Variants in SYT14 observed in about 807,000 individuals in gnomAD.
SYT14 encodes synaptotagmin-14.
SYT14 carries 32 observed loss-of-function variants against 74.2 expected under a neutral mutation model. That is an observed-to-expected ratio of 0.43 (90% confidence interval 0.33 to 0.58). The LOEUF is 0.58. Ranked by LOEUF, SYT14 falls within the 20% of genes least tolerant of loss-of-function variation. SYT14 has a pLI of 0.05. For synonymous variants in SYT14, 298 were observed against 337.7 expected (o/e 0.88, Z 1.29); for missense variants, 791 against 981.8 (o/e 0.81, Z 2.60).
intron 2 of SYT14, among the ~76,000 whole-genome samples, chr1:209,991,175 G>A (rs1361746409): frequency 2.0e-5 from 3 of 152,134 alleles, no homozygotes; most frequent in Non-Finnish European, 4.4e-5. Flanking sequence ...GCTGCAAAAA[G>A]TGTAGAAGAA....
chr1:210,044,357 A>C, intron 5 of SYT14, among the ~76,000 whole-genome samples: 1 of 152,190 alleles, frequency 6.6e-6, no homozygotes, highest in East Asian at 1.9e-4. Context: ...GTGTTTTACT[A>C]CCCGGAACTC....
intron 2 of SYT14, among the ~76,000 whole-genome samples, chr1:209,978,321 A>G (rs886263798): frequency 6.6e-6 from 1 of 151,570 alleles, no homozygotes; most frequent in Non-Finnish European, 1.5e-5. Context: ...CTGTTTTTTC[A>G]CCATCTTTGT....
chr1:210,049,251 G>A lies in SYT14; in HGVS notation c.1312+27997G>A, dbSNP rs567111019. ...AGTAGGGACTCTGTGTGGGTGCTTC[G>A]ACCCCACATTTTCCTTCTGCCCTGC... is the stretch of plus-strand genomic sequence containing the variant. On this transcript the variant is annotated intron_variant, in intron 5 of 9. Coordinates refer to ENST00000637265, the Ensembl canonical transcript of SYT14. Among the ~76,000 whole-genome samples the A allele has an allele frequency of 7.2e-4, 109 of 152,194 alleles. 1 individual carries two copies. Among genetic ancestry groups the A allele is most frequent in the African/African-American group, 2.5e-3 (104 of 41,520 alleles).
chr1:210,102,195 A>G (rs1003449125), intron 7 of SYT14, among the ~76,000 whole-genome samples: 3 of 152,106 alleles, frequency 2.0e-5, no homozygotes, highest in Admixed American at 1.3e-4. Context: ...TTATTTCATC[A>G]CCCAGGTATA....
At chr1:209,962,425 G>T (rs557385097) in intron 2 of SYT14, among the ~76,000 whole-genome samples, 1 of 151,806 alleles carries the variant, frequency 6.6e-6, no homozygotes, top group Admixed American at 6.6e-5. Context: ...CAATTAGGTT[G>T]TGAATTTATA....
At chr1:210,001,975 G>A (rs1413107238) in intron 2 of SYT14, among the ~76,000 whole-genome samples, 1 of 152,190 alleles carries the variant, frequency 6.6e-6, no homozygotes, top group Non-Finnish European at 1.5e-5. Context: ...CCAGAGGACA[G>A]TCAGTTCTGA....
chr1:209,990,541 A>ATATATATATACG (rs1194652861), intron 2 of SYT14, among the ~76,000 whole-genome samples: 6 of 9,240 alleles, frequency 6.5e-4, no homozygotes, highest in African/African-American at 2.9e-3. Flanking sequence ...ATATATACGT[A>ATATATATATACG]TATATATGTA....
At chr1:210,168,979 C>G (rs1371993370) in exon 10 of SYT14, 3 of 152,160 alleles carry the variant, frequency 2.0e-5, no homozygotes, top group Non-Finnish European at 4.4e-5. Context: ...TAGAAGCCAG[C>G]TTCTTGGAAG....
chr1:210,065,605 A>C (rs2081281593), intron 5 of SYT14, among the ~76,000 whole-genome samples: 2 of 152,002 alleles, frequency 1.3e-5, no homozygotes, highest in Admixed American at 1.3e-4. Flanking sequence ...TTGTCTTTTA[A>C]AAAATAATTT....
rs539832423 is a variant in SYT14 at position 210,135,622 on chromosome 1, C to T, written c.2035-20099C>T. On this transcript the variant is annotated intron_variant, in intron 7 of 9. Coordinates refer to ENST00000637265, the Ensembl canonical transcript of SYT14. ...TTTCCTTAATATGGGTTTTATTTTCCTTCTTCTTTTCATGCTTGATAATTT... is the reference window on the plus strand; with the variant it reads ...TTTCCTTAATATGGGTTTTATTTTCTTTCTTCTTTTCATGCTTGATAATTT... Among the ~76,000 whole-genome samples, 241 of 151,478 alleles carry T rather than the reference C, an allele frequency of 1.6e-3. 2 individuals carry two copies. Among genetic ancestry groups the T allele is most frequent in the Non-Finnish European group, 2.8e-3 (189 of 67,838 alleles).
At chr1:210,051,932 A>C (rs753063533) in intron 5 of SYT14, among the ~76,000 whole-genome samples, 1 of 152,190 alleles carries the variant, frequency 6.6e-6, no homozygotes, top group Non-Finnish European at 1.5e-5. Flanking sequence ...ACTGCTAACA[A>C]AATCTTAATT....
chr1:210,056,315 A>AC (rs1264207187), intron 5 of SYT14, among the ~76,000 whole-genome samples: 2 of 151,528 alleles, frequency 1.3e-5, no homozygotes, highest in East Asian at 3.9e-4. Flanking sequence ...TTGAGACCTC[A>AC]CCCCCCACCA....
chr1:209,961,000 G>T (rs1234473762), intron 2 of SYT14, among the ~76,000 whole-genome samples: 1 of 152,140 alleles, frequency 6.6e-6, no homozygotes, highest in Non-Finnish European at 1.5e-5. Context: ...GAATGTTTCT[G>T]CATGTGCTGT....
chr1:209,997,946 G>C (rs933100106), intron 2 of SYT14, among the ~76,000 whole-genome samples: 1 of 152,046 alleles, frequency 6.6e-6, no homozygotes. Context: ...TATTCTTGAA[G>C]ATTTATAATG....
intron 5 of SYT14, among the ~76,000 whole-genome samples, chr1:210,044,795 A>G (rs1451436150): frequency 6.6e-6 from 1 of 152,188 alleles, no homozygotes; most frequent in South Asian, 2.1e-4. Context: ...CATGGCACCA[A>G]CATCTGCTCG....
chr1:209,944,598 A>G (rs1412140055), intron 1 of SYT14, among the ~76,000 whole-genome samples: 2 of 152,210 alleles, frequency 1.3e-5, no homozygotes, highest in African/African-American at 4.8e-5. Flanking sequence ...TAGAAATATC[A>G]TAGATGAAAT....
intron 2 of SYT14, among the ~76,000 whole-genome samples, chr1:210,008,199 G>A (rs1370268369): frequency 6.6e-6 from 1 of 152,130 alleles, no homozygotes; most frequent in African/African-American, 2.4e-5. Flanking sequence ...TGTTCAGGTT[G>A]TTATTAGTTG....
chr1:209,945,129 C>G (rs569915476), intron 1 of SYT14, among the ~76,000 whole-genome samples: 1 of 152,170 alleles, frequency 6.6e-6, no homozygotes, highest in African/African-American at 2.4e-5. Flanking sequence ...CCTCCACCCC[C>G]ACTCCAGCAG....
chr1:210,071,371 A>T (rs902906312), intron 5 of SYT14, among the ~76,000 whole-genome samples: 6 of 134,680 alleles, frequency 4.5e-5, no homozygotes, highest in African/African-American at 1.5e-4. Flanking sequence ...CTACATTGTA[A>T]TACATATCTT....
Sources: gnomAD v4.1 joint callset for allele counts (sites outside exome capture counted in the v4.1 genomes callset) on GRCh38, gnomAD v4.1.1 for gene constraint, MANE v1.5 for transcripts, NCBI Gene and HGNC (gene_info 2026-07-23, HGNC 2026-07-21) for gene names.